The following STOX1 variants were observed in gnomAD, a reference collection of about 807,000 sequenced individuals.
The protein encoded by STOX1 is storkhead box 1.
STOX1 carries 57 observed loss-of-function variants against 74.8 expected under a neutral mutation model. The observed-to-expected ratio is 0.76, with a 90% CI of 0.62 to 0.95. The LOEUF is 0.95. Ranked by LOEUF, STOX1 falls within the 40% of genes least tolerant of loss-of-function variation. STOX1 has a pLI of 0.00. For synonymous variants in STOX1, 375 were observed against 401.3 expected, an observed-to-expected ratio of 0.93 and a Z score of 0.78; for missense variants, 1,010 against 1,117.0, an observed-to-expected ratio of 0.90 and a Z score of 1.37.
At chr10:68,890,207 C>T (rs1014988043) in intron 3 of STOX1, among the ~76,000 whole-genome samples, 3 of 151,766 alleles carry the variant, frequency 2.0e-5, no homozygotes, top group African/African-American at 7.3e-5. Context: ...ACACTGTTGC[C>T]CAGGATAGAG....
At position 68,859,687 on chromosome 10, in the gene STOX1, G is replaced by A. The variant is rs556018300; in HGVS notation, c.311-22271G>A. 4.6e-5 allele frequency among the ~76,000 whole-genome samples: 7 copies of A among 152,096 alleles called. 1 individual carries two copies. In the South Asian group the frequency reaches 6.2e-4, roughly 14 times the overall value. The stretch of plus-strand genomic sequence containing the variant: ...CTTGGCTAGGTATTTTGGTTAGAGC[G>A]GTGTTTTGTTGCAGATTGTAGAAAG... On this transcript the variant is annotated intron_variant, in intron 1 of 3. Coordinates refer to ENST00000298596, the MANE Select transcript of STOX1 (RefSeq NM_152709.5).
intron 1 of STOX1, among the ~76,000 whole-genome samples, chr10:68,867,102 G>A (rs1239034023): frequency 6.6e-6 from 1 of 151,884 alleles, no homozygotes; most frequent in East Asian, 1.9e-4. Context: ...CCGCCACCAC[G>A]CCCAGCTATT....
intron 1 of STOX1, among the ~76,000 whole-genome samples, chr10:68,847,624 C>T (rs1030425956): frequency 1.3e-5 from 2 of 151,502 alleles, no homozygotes; most frequent in Admixed American, 6.6e-5. Flanking sequence ...TGGCTGGGCT[C>T]ATCTCGAATT....
chr10:68,841,322 T>A (rs1180835719), intron 1 of STOX1, among the ~76,000 whole-genome samples: 1 of 152,184 alleles, frequency 6.6e-6, no homozygotes, highest in African/African-American at 2.4e-5. Flanking sequence ...GTTGCTCCTG[T>A]AACACATTCA....
chr10:68,841,148 T>G (rs1839684104), intron 1 of STOX1, among the ~76,000 whole-genome samples: 1 of 151,962 alleles, frequency 6.6e-6, no homozygotes, highest in East Asian at 2.0e-4. Flanking sequence ...GGTTTCACCA[T>G]GTTGGTCAGG....
downstream of STOX1, among the ~76,000 whole-genome samples, chr10:68,894,486 A>G (rs1465085148): frequency 6.6e-6 from 1 of 152,194 alleles, no homozygotes; most frequent in Non-Finnish European, 1.5e-5. Context: ...TGCAGTGGTC[A>G]GCTCACTCAC....
At chr10:68,829,197 AG>A (rs369218884) in intron 1 of STOX1, among the ~76,000 whole-genome samples, 103 of 152,346 alleles carry the variant, frequency 6.8e-4, no homozygotes, top group African/African-American at 2.3e-3. Context: ...TTGTTTGGCC[AG>A]GCGCGGTGGC....
rs759931569 is a variant in STOX1, at chr10:68,884,968, A to G, written c.1172A>G (p.Asn391Ser). 2 of 1,614,192 alleles carry G rather than the reference A, an allele frequency of 1.2e-6. No homozygotes were observed. Among genetic ancestry groups the G allele is most frequent in the East Asian group, 2.2e-5 (1 of 44,890 alleles). ...AAATACGAAGAACAGAAAAAATATA[A>G]TAGCCAGGGCACTTCCACTGACATG... The part of the protein sequence containing the change: ...MQKYEEQKKY[N>S]SQGTSTDMLT... The change falls in exon 3 of 4, where the codon AAT becomes AGT. Residue 391 changes from asparagine (N) to serine (S), a missense_variant. Asn to Ser is a conservative substitution (Grantham distance 46). Coordinates refer to ENST00000298596, the MANE Select transcript of STOX1 (RefSeq NM_152709.5).
At chr10:68,891,109 C>T (rs1030453220) in intron 3 of STOX1, among the ~76,000 whole-genome samples, 1 of 152,044 alleles carries the variant, frequency 6.6e-6, no homozygotes, top group Non-Finnish European at 1.5e-5. Context: ...TTTTGATTTG[C>T]AAAATTTTGA....
Position 68,886,046 on chromosome 10 carries a change from A to G in STOX1, c.2250A>G (p.Gln750=). The change falls in exon 3 of 4, where the codon CAA becomes CAG. Residue 750 remains glutamine, a synonymous_variant. Coordinates refer to ENST00000298596, the MANE Select transcript of STOX1 (RefSeq NM_152709.5). ...DDISENDDLR[Q]MLPGHSQYSF... ...TTTCTGAGAATGACGACTTACGTCAAATGCTGCCTGGCCACAGTCAGTATT... is the reference window on the plus strand; with the variant it reads ...TTTCTGAGAATGACGACTTACGTCAGATGCTGCCTGGCCACAGTCAGTATT... 1.2e-6 allele frequency: 2 copies of G among 1,614,240 alleles called. No homozygotes were observed. The highest frequency in any genetic ancestry group is 1.7e-6 in the Non-Finnish European group (2 of 1,180,046).
In STOX1 at chr10:68,861,476, G is replaced by A. The variant is rs190221357; in HGVS notation, c.311-20482G>A. Among the ~76,000 whole-genome samples, 305 of 152,228 alleles carry A rather than the reference G, an allele frequency of 2.0e-3. 1 individual carries two copies. Among genetic ancestry groups the A allele is most frequent in the African/African-American group, 6.9e-3 (288 of 41,490 alleles). On this transcript the variant is annotated intron_variant, in intron 1 of 3. Transcript: ENST00000298596. ...GGTAAACCAGCAACCTCCAGCGTGA[G>A]CATCATAGCCATCATGAGCATGTCA...
At chr10:68,890,715 A>G (rs1445528518) in intron 3 of STOX1, among the ~76,000 whole-genome samples, 2 of 148,164 alleles carry the variant, frequency 1.3e-5, no homozygotes, top group Non-Finnish European at 3.0e-5. Flanking sequence ...CAGTAGCGCA[A>G]TCTCAGCTCA....
rs1457610693 is a variant in STOX1, at chr10:68,882,053, G to A, written c.406G>A (p.Ala136Thr). ...LCCAISDMNT[A>T]QIVVTQESLL... ...CTGTGCTATATCTGATATGAATACA[G>A]CTCAGATTGTAGTAACGCAGGAATC... is the stretch of plus-strand genomic sequence containing the variant. Residue 136 changes from alanine (A) to threonine (T), a missense_variant, in exon 2 of 4, where the codon GCT becomes ACT. By Grantham distance (58) the Ala-to-Thr change is moderately conservative. Coordinates refer to ENST00000298596, the MANE Select transcript of STOX1 (RefSeq NM_152709.5). 1.2e-6 allele frequency: 2 copies of A among 1,613,594 alleles called. No homozygotes were observed. Among genetic ancestry groups the A allele is most frequent in the Admixed American group, 1.7e-5 (1 of 60,014 alleles).
intron 1 of STOX1, among the ~76,000 whole-genome samples, chr10:68,843,844 G>A (rs905017618): frequency 2.6e-5 from 4 of 151,980 alleles, no homozygotes; most frequent in African/African-American, 7.2e-5. Context: ...ACAGGTGTGA[G>A]CCACTGTGCC....
In STOX1 at chr10:68,885,718, T is replaced by A; in HGVS notation, c.1922T>A (p.Leu641Gln). The A allele has an allele frequency of 6.2e-7, 1 of 1,614,164 alleles. No individual in the cohort carries two copies. The highest frequency in any genetic ancestry group is 8.5e-7 in the Non-Finnish European group (1 of 1,180,022). The change falls in exon 3 of 4, where the codon CTG becomes CAG. Residue 641 changes from leucine to glutamine, a missense_variant. Leu to Gln is a moderately radical substitution (Grantham distance 113, BLOSUM62 -2). Coordinates refer to ENST00000298596, the MANE Select transcript of STOX1 (RefSeq NM_152709.5). ...LGETKQTPHS[L>Q]PSRGASFSDR... ...GAGACCAAACAGACTCCGCATAGTC[T>A]GCCATCACGAGGTGCCTCCTTTTCA...
intron 1 of STOX1, among the ~76,000 whole-genome samples, chr10:68,881,048 T>C (rs1014338023): frequency 6.6e-6 from 1 of 152,196 alleles, no homozygotes. Flanking sequence ...TTGGTGCTTT[T>C]CTTTATTCTC....
At chr10:68,828,219 G>A (rs1358008083) in intron 1 of STOX1, 6 of 948,896 alleles carry the variant, frequency 6.3e-6, no homozygotes, top group African/African-American at 1.8e-5. Context: ...CGCGATGCCT[G>A]GCGGCGCCGG....
chr10:68,885,220 C>A lies in STOX1; in HGVS notation c.1424C>A (p.Pro475Gln), dbSNP rs769055094. The A allele has an allele frequency of 1.2e-6, 2 of 1,614,176 alleles. No individual in the cohort carries two copies. Among genetic ancestry groups the A allele is most frequent in the African/African-American group, 1.3e-5 (1 of 75,040 alleles). The change falls in exon 3 of 4, where the codon CCA becomes CAA. Residue 475 changes from proline to glutamine, a missense_variant. Transcript: ENST00000298596. ...KSPNEMVGQK[P>Q]LGEITTVLGS... ...CCAAATGAAATGGTAGGTCAGAAAC[C>A]ACTTGGTGAGATTACAACAGTGCTA...
chr10:68,836,430 C>T (rs905919453), intron 1 of STOX1, among the ~76,000 whole-genome samples: 4 of 152,224 alleles, frequency 2.6e-5, no homozygotes, highest in Admixed American at 2.6e-4. Context: ...CTAGACAAAC[C>T]TGTCTCTGTT....
Sources: allele counts gnomAD v4.1 joint callset (sites outside exome capture counted in the v4.1 genomes callset), GRCh38; gene constraint gnomAD v4.1.1; transcripts MANE v1.5; gene names NCBI Gene and HGNC (gene_info 2026-07-23, HGNC 2026-07-21).